Variants in SCN10A observed in about 807,000 individuals in gnomAD.
SCN10A encodes the protein sodium channel protein type 10 subunit alpha.
In SCN10A, 162 loss-of-function variants were observed where a neutral mutation model predicts 170.7. The ratio of observed to expected loss-of-function variants is 0.95; its 90% CI spans 0.84 to 1.08. The LOEUF (loss-of-function observed/expected upper bound fraction) is 1.08, where lower values mean the gene tolerates loss of function less well. Ranked by LOEUF, SCN10A falls within the 50% of genes least tolerant of loss-of-function variation. The probability of loss-of-function intolerance (pLI) is 0.00; values close to 1 mark genes in which losing one functional copy is unlikely to be tolerated. For synonymous variants in SCN10A, 985 were observed against 904.6 expected (o/e 1.09, Z -1.59); for missense variants, 2,527 against 2,436.9 (o/e 1.04, Z -0.78).
intron 1 of SCN10A, among the ~76,000 whole-genome samples, chr3:38,796,795 T>A (rs1018104718): frequency 5.3e-5 from 8 of 152,180 alleles, no homozygotes; most frequent in African/African-American, 1.7e-4. Context: ...CATAACTCTC[T>A]GCACTTTCTC....
At chr3:38,737,001 C>T (rs1171850941) in intron 15 of SCN10A, among the ~76,000 whole-genome samples, 2 of 66,196 alleles carry the variant, frequency 3.0e-5, no homozygotes. Context: ...GACGGAGTCC[C>T]GCTGTTTAGC....
intron 13 of SCN10A, among the ~76,000 whole-genome samples, chr3:38,746,097 A>ATATATATATATATC (rs1559439571): frequency 1.1e-5 from 1 of 87,114 alleles, no homozygotes; most frequent in Non-Finnish European, 2.5e-5. Flanking sequence ...ATATATATAT[A>ATATATATATATATC]TATGCCATCT....
intron 25 of SCN10A, among the ~76,000 whole-genome samples, chr3:38,709,055 C>T (rs1315470234): frequency 6.6e-5 from 10 of 152,188 alleles, no homozygotes; most frequent in Admixed American, 6.5e-4. Context: ...CCTTCCTCCC[C>T]ATCCCAAGGA....
intron 13 of SCN10A, among the ~76,000 whole-genome samples, chr3:38,749,629 G>C (rs898629838): frequency 6.6e-5 from 10 of 152,144 alleles, no homozygotes; most frequent in African/African-American, 2.4e-4. Flanking sequence ...ATGTGGGCTT[G>C]AACAAGAAAT....
intron 8 of SCN10A, 106 bp downstream of exon 8, chr3:38,760,575 C>A: frequency 2.3e-6 from 2 of 866,440 alleles, no homozygotes; most frequent in South Asian, 1.5e-5. Context: ...TTTATTTATA[C>A]ATCTTTCCCA....
At chr3:38,750,206 C>T (rs1189002410) in intron 12 of SCN10A, 22 bp from the exon 13 acceptor site, 1 of 1,448,224 alleles carries the variant, frequency 6.9e-7, no homozygotes, top group African/African-American at 1.4e-5. Flanking sequence ...CAAACAGAGT[C>T]AGGACGCTCC....
intron 1 of SCN10A, among the ~76,000 whole-genome samples, chr3:38,808,677 G>A (rs2064421506): frequency 1.3e-5 from 2 of 152,224 alleles, no homozygotes; most frequent in Non-Finnish European, 2.9e-5. Context: ...TGCTGTCAGT[G>A]TGCCTAGTTT....
At chr3:38,726,288 T>C (rs907945509) in intron 17 of SCN10A, among the ~76,000 whole-genome samples, 2 of 152,158 alleles carry the variant, frequency 1.3e-5, no homozygotes, top group African/African-American at 4.8e-5. Flanking sequence ...ATCCTGTTCT[T>C]AGAGAAATCT....
chr3:38,709,620 G>A lies in SCN10A; in HGVS notation c.4144-5C>T, dbSNP rs367955173. ...CCACTTGGGTTGCATGTTGACCTGTGACCAGACAAGGGAGAGTGGGAAGGA... is the reference window on the plus strand; with the variant it reads ...CCACTTGGGTTGCATGTTGACCTGTAACCAGACAAGGGAGAGTGGGAAGGA... On this transcript the variant is annotated splice_region_variant and splice_polypyrimidine_tract_variant and intron_variant, in intron 24 of 27. Coordinates refer to ENST00000449082, the MANE Select transcript of SCN10A (RefSeq NM_006514.4). 1 of 1,593,990 alleles carries A rather than the reference G, an allele frequency of 6.3e-7. No individual in the cohort carries two copies. Among genetic ancestry groups the A allele is most frequent in the Admixed American group, 1.7e-5 (1 of 57,834 alleles).
chr3:38,768,515 T>C (rs1049797987), intron 5 of SCN10A, among the ~76,000 whole-genome samples: 9 of 152,228 alleles, frequency 5.9e-5, no homozygotes, highest in African/African-American at 1.7e-4. Flanking sequence ...TTTCTCTTCA[T>C]ACAATATTCT....
chr3:38,796,840 T>A (rs956625449), intron 1 of SCN10A, among the ~76,000 whole-genome samples: 3 of 152,140 alleles, frequency 2.0e-5, no homozygotes, highest in Admixed American at 1.3e-4. Flanking sequence ...TGTTTGCCTT[T>A]CTATTGTTTC....
At chr3:38,759,332 C>A (rs950791647) in intron 8 of SCN10A, among the ~76,000 whole-genome samples, 4 of 152,094 alleles carry the variant, frequency 2.6e-5, no homozygotes, top group African/African-American at 9.7e-5. Context: ...GAGGGGTCCT[C>A]ATCCCTTAGC....
rs774545314 is a variant in SCN10A, at chr3:38,728,903, T to C, written c.2281-2A>G. 1.9e-6 allele frequency: 3 copies of C among 1,601,666 alleles called. No homozygotes were observed. The highest frequency in any genetic ancestry group is 2.6e-6 in the Non-Finnish European group (3 of 1,171,140). On this transcript the variant is annotated splice_acceptor_variant, in intron 15 of 27. Transcript: ENST00000449082. LOFTEE classifies it high-confidence loss of function. The stretch of plus-strand genomic sequence containing the variant: ...TTTGGCCAGCTTGAATACGCGCAGC[T>C]GCAGAGAAACAGAGACCGTCAGGTT...
At chr3:38,747,384 C>T (rs964614009) in intron 13 of SCN10A, among the ~76,000 whole-genome samples, 9 of 152,192 alleles carry the variant, frequency 5.9e-5, no homozygotes, top group East Asian at 1.9e-4. Flanking sequence ...GACACATCTC[C>T]GCCCTCATAG....
chr3:38,801,968 C>T (rs749167836), intron 1 of SCN10A, among the ~76,000 whole-genome samples: 3 of 152,114 alleles, frequency 2.0e-5, no homozygotes, highest in African/African-American at 7.2e-5. Flanking sequence ...TCCATAAACA[C>T]CTCAAAATCA....
At chr3:38,753,926 C>T (rs913506886) in intron 11 of SCN10A, among the ~76,000 whole-genome samples, 1 of 152,140 alleles carries the variant, frequency 6.6e-6, no homozygotes, top group Non-Finnish European at 1.5e-5. Context: ...TCCTGGGTCT[C>T]TTCTATATAT....
chr3:38,772,657 C>T (rs1483549529), intron 4 of SCN10A, among the ~76,000 whole-genome samples: 1 of 151,458 alleles, frequency 6.6e-6, no homozygotes, highest in African/African-American at 2.4e-5. Context: ...TCACTGCACT[C>T]CAGTCTGGGT....
intron 5 of SCN10A, among the ~76,000 whole-genome samples, chr3:38,766,917 G>A (rs775580341): frequency 6.6e-6 from 1 of 151,906 alleles, no homozygotes; most frequent in Non-Finnish European, 1.5e-5. Context: ...ACTTGTTATT[G>A]GTCTGTTTAG....
intron 24 of SCN10A, among the ~76,000 whole-genome samples, chr3:38,710,212 T>G (rs1438927960): frequency 6.6e-6 from 1 of 152,042 alleles, no homozygotes; most frequent in African/African-American, 2.4e-5. Context: ...CAAGCTGGAG[T>G]GCAGTGACGC....
Sources: allele counts gnomAD v4.1 joint callset (sites outside exome capture counted in the v4.1 genomes callset), GRCh38; gene constraint gnomAD v4.1.1; transcripts MANE v1.5; gene names NCBI Gene and HGNC (gene_info 2026-07-23, HGNC 2026-07-21).